Variants in ATP12A observed in about 807,000 individuals in gnomAD.
ATP12A encodes the protein ATPase H+/K+ transporting non-gastric alpha2 subunit, also known as potassium-transporting ATPase alpha chain 2.
Under a neutral mutation model 111.2 loss-of-function variants are expected in ATP12A, and 81 were observed. The observed-to-expected ratio is 0.73, with a 90% CI of 0.61 to 0.88. The LOEUF (loss-of-function observed/expected upper bound fraction) is 0.88, where lower values mean the gene tolerates loss of function less well. ATP12A is among the 40% of genes least tolerant of loss of function. The pLI, the probability that ATP12A is intolerant of heterozygous loss-of-function variation, is 0.00. For synonymous variants in ATP12A, 498 were observed against 499.8 expected (o/e 1.00, Z 0.05); for missense variants, 1,196 against 1,313.1 (o/e 0.91, Z 1.38).
At chr13:24,691,346 C>T in intron 8 of ATP12A, 96 bp downstream of exon 8, 1 of 1,416,060 alleles carries the variant, frequency 7.1e-7, no homozygotes, top group Non-Finnish European at 9.4e-7. Context: ...CCCCCAAGTC[C>T]AGAGCACCAC....
Position 24,711,318 on chromosome 13 carries a change from G to A in ATP12A, c.3000G>A (p.Arg1000=), listed in dbSNP as rs1237080746. The A allele has an allele frequency of 6.3e-6, 10 of 1,595,866 alleles. No homozygotes were observed. Among genetic ancestry groups the A allele is most frequent in the Non-Finnish European group, 8.5e-6 (10 of 1,170,010 alleles). ...SVTALSFTML[R]AQYWFVAVPH... ...TCACTTTCCATCCCTTTGCTTCCAG[G>A]GCTCAGTACTGGTTTGTGGCTGTGC... The change falls in exon 22 of 23, where the codon AGG becomes AGA. Residue 1000 remains arginine (R), a splice_region_variant and synonymous_variant. Coordinates refer to ENST00000381946, the MANE Select transcript of ATP12A (RefSeq NM_001676.7).
chr13:24,696,997 G>A (rs1001471882), intron 11 of ATP12A, among the ~76,000 whole-genome samples: 8 of 152,198 alleles, frequency 5.3e-5, no homozygotes, highest in African/African-American at 1.9e-4. Flanking sequence ...CGGCAAATTG[G>A]AAAATGTTTT....
At chr13:24,694,128 G>T (rs1439398789) in intron 10 of ATP12A, among the ~76,000 whole-genome samples, 2 of 152,120 alleles carry the variant, frequency 1.3e-5, no homozygotes, top group East Asian at 1.9e-4. Flanking sequence ...CCCTGCACCC[G>T]CATCCTGGTT....
At chr13:24,690,167 C>A (rs796068151) in intron 5 of ATP12A, among the ~76,000 whole-genome samples, 171 bp from the exon 6 acceptor site, 4 of 152,204 alleles carry the variant, frequency 2.6e-5, no homozygotes, top group African/African-American at 9.6e-5. Flanking sequence ...GCTCCAGCAG[C>A]AATGCTGTGT....
intron 2 of ATP12A, among the ~76,000 whole-genome samples, chr13:24,684,789 T>C (rs866433356): frequency 2.0e-5 from 3 of 152,246 alleles, no homozygotes; most frequent in African/African-American, 7.2e-5. Context: ...AACTTTTCCC[T>C]GCAGGGTTTC....
rs1875039297 is a variant in ATP12A, at chr13:24,694,330, T to A, written c.1378-114T>A. ...GCGGCCCTCCCTGATCACGTGATAA[T>A]GTCTCTCCAGCTAGGTGGTAATGGG... On this transcript the variant is annotated intron_variant, in intron 10 of 22. Transcript: ENST00000381946. The A allele has an allele frequency of 3.0e-6, 4 of 1,344,708 alleles. No individual in the cohort carries two copies. In the East Asian group the frequency reaches 9.2e-5, roughly 31 times the overall value. The allele number at this position is 1,344,708 out of a possible 1,614,324, so 83.3% of individuals were successfully genotyped here. A position where few individuals can be genotyped will look rare whatever the true frequency, so the allele number is the denominator to read the frequency against.
intron 11 of ATP12A, among the ~76,000 whole-genome samples, chr13:24,698,191 A>C (rs962004829): frequency 6.6e-6 from 1 of 152,124 alleles, no homozygotes; most frequent in African/African-American, 2.4e-5. Flanking sequence ...ATTTTCTATG[A>C]CATCCAAGCA....
At chr13:24,700,227 T>G (rs1875335776) in intron 12 of ATP12A, among the ~76,000 whole-genome samples, 1 of 152,206 alleles carries the variant, frequency 6.6e-6, no homozygotes, top group South Asian at 2.1e-4. Flanking sequence ...GATCTAGCAC[T>G]GAACTTTGTG....
At chr13:24,709,279 G>GCCCCCCCCCCCC in intron 17 of ATP12A, 85 bp from the exon 18 acceptor site, 1 of 211,218 alleles carries the variant, frequency 4.7e-6, no homozygotes, top group South Asian at 7.9e-5. Flanking sequence ...TCCAGCCAGT[G>GCCCCCCCCCCCC]CCCCACCCAC....
At chr13:24,707,474 A>G in intron 17 of ATP12A, 41 bp downstream of exon 17, 1 of 1,611,736 alleles carries the variant, frequency 6.2e-7, no homozygotes, top group Non-Finnish European at 8.5e-7. Flanking sequence ...TGCCTGCCCC[A>G]GGGGAGGTCA....
chr13:24,682,901 T>C (rs563181489), intron 2 of ATP12A, among the ~76,000 whole-genome samples: 1 of 151,978 alleles, frequency 6.6e-6, no homozygotes, highest in South Asian at 2.1e-4. Flanking sequence ...TTCACGTGCT[T>C]TAGGGGAGTA....
In ATP12A at chr13:24,685,126, T is replaced by C. The variant is rs1273892693; in HGVS notation, c.169-188T>C. Among the ~76,000 whole-genome samples, 2 of 152,196 alleles carry C rather than the reference T, an allele frequency of 1.3e-5. No individual in the cohort carries two copies. ...GTGCCGACTCAGGGACAGTCACTCCTGAGGCAGTGCCATCCTTCGCTGGGC... is the reference window on the plus strand; with the variant it reads ...GTGCCGACTCAGGGACAGTCACTCCCGAGGCAGTGCCATCCTTCGCTGGGC... On this transcript the variant is annotated intron_variant, in intron 2 of 22. Transcript: ENST00000381946. The surrounding 1 kb of genome is among the most constrained non-coding windows in gnomAD (Gnocchi z 5.5).
chr13:24,709,539 C>A, intron 18 of ATP12A, 52 bp downstream of exon 18: 1 of 1,602,134 alleles, frequency 6.2e-7, no homozygotes, highest in South Asian at 1.1e-5. Context: ...CCCGAGAATT[C>A]ACTGGAGTGG....
Position 24,694,454 on chromosome 13 carries a change from T to C in ATP12A, c.1388T>C (p.Ile463Thr). 1 of 1,613,004 alleles carries C rather than the reference T, an allele frequency of 6.2e-7. No individual in the cohort carries two copies. Among genetic ancestry groups the C allele is most frequent in the Non-Finnish European group, 8.5e-7 (1 of 1,179,790 alleles). The change falls in exon 11 of 23, where the codon ATT (isoleucine) becomes ACT (threonine). Residue 463 changes from isoleucine (I) to threonine (T), a missense_variant. Physicochemically the swap from Ile to Thr is moderately conservative, Grantham distance 89. Coordinates refer to ENST00000381946, the MANE Select transcript of ATP12A (RefSeq NM_001676.7). ...ENVPIMKKAV[I>T]GDASETALLK... ...TTCTTTGATTCCCAGAAAGCTGTGA[T>C]TGGAGATGCCTCAGAAACTGCTCTT...
chr13:24,702,070 C>A lies in ATP12A; in HGVS notation c.2017C>A (p.Arg673=). 6.2e-7 allele frequency: 1 copy of A among 1,614,200 alleles called. No individual in the cohort carries two copies. Residue 673 remains arginine, a splice_region_variant and synonymous_variant, in exon 14 of 23, where the codon CGG becomes AGG. Transcript: ENST00000381946. The part of the protein sequence containing the change: ...LNIAVEQVNK[R]DAKAAVVTGM... ...CATTGCTGTGGAGCAAGTTAACAAA[C>A]GGTAAGCACAGGAGCAGCATAGTAA...
intron 2 of ATP12A, among the ~76,000 whole-genome samples, chr13:24,684,806 C>T (rs1874612689): frequency 6.6e-6 from 1 of 152,210 alleles, no homozygotes; most frequent in African/African-American, 2.4e-5. Context: ...TTTCTCTGCC[C>T]AGTGAGCTCC....
chr13:24,709,870 T>G, intron 19 of ATP12A, 42 bp downstream of exon 19: 1 of 1,608,706 alleles, frequency 6.2e-7, no homozygotes, highest in Non-Finnish European at 8.5e-7. Flanking sequence ...CCTGATTCTC[T>G]CCATGCTCAT....
At chr13:24,708,946 A>AAAGAAAGG (rs775291322) in intron 17 of ATP12A, among the ~76,000 whole-genome samples, 6,642 of 100,242 alleles carry the variant, frequency 0.066, 381 homozygotes, top group Non-Finnish European at 0.089. Flanking sequence ...AGAAAGAAAG[A>AAAGAAAGG]AAGAAAGAAA....
rs770576902 is a variant in ATP12A, at chr13:24,709,388, G to A, written c.2518G>A (p.Glu840Lys). 37 of 1,612,926 alleles carry A rather than the reference G, an allele frequency of 2.3e-5. No individual in the cohort carries two copies. The highest frequency in any genetic ancestry group is 4.5e-5 in the East Asian group (2 of 44,834). Residue 840 changes from glutamate (E) to lysine (K), a missense_variant, in exon 18 of 23, where the codon GAG becomes AAG. Physicochemically the swap from Glu to Lys is moderately conservative, Grantham distance 56 (BLOSUM62 1). Coordinates refer to ENST00000381946, the MANE Select transcript of ATP12A (RefSeq NM_001676.7). Reference sequence around the variant, plus strand: ...GATCCCCTCCATTGCCTTGGCGTACGAGAAAGCTGAAAGTGACATCATGAA... The same window carrying A: ...GATCCCCTCCATTGCCTTGGCGTACAAGAAAGCTGAAAGTGACATCATGAA... ...DIIPSIALAY[E>K]KAESDIMNRK... is the part of the protein sequence containing the mutation.
Sources: allele counts gnomAD v4.1 joint callset (sites outside exome capture counted in the v4.1 genomes callset), GRCh38; gene constraint gnomAD v4.1.1; non-coding constraint Gnocchi (gnomAD v3.1); transcripts MANE v1.5; gene names NCBI Gene and HGNC (gene_info 2026-07-23, HGNC 2026-07-21).